Variants in EXOSC7 observed in about 807,000 individuals in gnomAD.
The protein encoded by EXOSC7 is exosome component 7, also known as exosome complex component RRP42.
A neutral mutation model predicts 34.3 loss-of-function variants in EXOSC7; 25 were observed. The observed-to-expected ratio is 0.73, with a 90% CI of 0.53 to 1.02. EXOSC7 has a LOEUF of 1.02. EXOSC7 is among the 50% of genes least tolerant of loss of function. The pLI, the probability that EXOSC7 is intolerant of heterozygous loss-of-function variation, is 0.00. For missense variants in EXOSC7, 370 were observed against 368.5 expected, an observed-to-expected ratio of 1.00 and a Z score of -0.03; for synonymous variants, 130 against 143.0, an observed-to-expected ratio of 0.91 and a Z score of 0.65.
At position 44,995,671 on chromosome 3, in the gene EXOSC7, G is replaced by A. The variant is rs1392323642; in HGVS notation, c.255-1416G>A. Among the ~76,000 whole-genome samples, 5 of 152,176 alleles carry A rather than the reference G, an allele frequency of 3.3e-5. No homozygotes were observed. In the East Asian group the frequency reaches 7.7e-4, roughly 23 times the overall value. On this transcript the variant is annotated intron_variant, in intron 3 of 7. Coordinates refer to ENST00000265564, the MANE Select transcript of EXOSC7 (RefSeq NM_015004.4). ...CAGTGCCTGAGTCCAGCAAAGGCAG[G>A]GAACAGCGAGGTTGCTATGGCAGTA...
At chr3:44,978,889 T>C (rs528004786) in intron 1 of EXOSC7, among the ~76,000 whole-genome samples, 2 of 152,190 alleles carry the variant, frequency 1.3e-5, no homozygotes, top group Non-Finnish European at 2.9e-5. Flanking sequence ...CCTTAAGGCA[T>C]AGCCAGTGTC....
intron 1 of EXOSC7, chr3:44,977,210 T>G (rs928891050): frequency 2.6e-5 from 4 of 152,340 alleles, no homozygotes; most frequent in African/African-American, 9.6e-5. Flanking sequence ...CGAGCTACCC[T>G]GTATCCTCCT....
intron 1 of EXOSC7, among the ~76,000 whole-genome samples, chr3:44,979,254 C>T (rs766117910): frequency 3.3e-5 from 5 of 152,150 alleles, no homozygotes; most frequent in Non-Finnish European, 5.9e-5. Flanking sequence ...ACTTTTGTTG[C>T]GTTGGTTATA....
At chr3:44,994,294 G>A (rs1318027959) in intron 3 of EXOSC7, among the ~76,000 whole-genome samples, 1 of 149,040 alleles carries the variant, frequency 6.7e-6, no homozygotes. Flanking sequence ...AAATGAGAGA[G>A]TTAGACCATC....
chr3:44,990,468 C>T (rs1002969541), intron 3 of EXOSC7, among the ~76,000 whole-genome samples: 1 of 152,082 alleles, frequency 6.6e-6, no homozygotes, highest in African/African-American at 2.4e-5. Context: ...CTTCTGGAAG[C>T]CAGGCCTTCT....
chr3:45,007,688 T>C, intron 7 of EXOSC7, 113 bp downstream of exon 7: 1 of 1,191,272 alleles, frequency 8.4e-7, no homozygotes, highest in Non-Finnish European at 1.2e-6. Context: ...GACCCCAAAC[T>C]TGGAGATTTG....
At chr3:45,010,235 T>TA (rs1256280320) in intron 7 of EXOSC7, among the ~76,000 whole-genome samples, 7 of 152,218 alleles carry the variant, frequency 4.6e-5, no homozygotes, top group African/African-American at 1.7e-4. Context: ...GAAAAATATA[T>TA]TTTTTTATAT....
chr3:45,002,687 C>G (rs767352692), intron 5 of EXOSC7, among the ~76,000 whole-genome samples: 2 of 152,098 alleles, frequency 1.3e-5, no homozygotes, highest in East Asian at 3.9e-4. Flanking sequence ...TAACATTTAC[C>G]TGTTTTTTAG....
chr3:45,005,761 G>A (rs946369459), intron 6 of EXOSC7, among the ~76,000 whole-genome samples: 4 of 152,264 alleles, frequency 2.6e-5, no homozygotes, highest in South Asian at 4.1e-4. Flanking sequence ...TTGAGTAGTG[G>A]CAGGGTGGCG....
At chr3:45,007,920 G>A (rs1291180013) in intron 7 of EXOSC7, among the ~76,000 whole-genome samples, 1 of 152,202 alleles carries the variant, frequency 6.6e-6, no homozygotes, top group African/African-American at 2.4e-5. Context: ...CTTGATGAGG[G>A]AATAGAATTC....
chr3:44,993,544 T>A (rs1399579491), intron 3 of EXOSC7, among the ~76,000 whole-genome samples: 1 of 151,758 alleles, frequency 6.6e-6, no homozygotes, highest in Non-Finnish European at 1.5e-5. Context: ...ACCAGAGATG[T>A]TCCAAGCAGG....
intron 3 of EXOSC7, among the ~76,000 whole-genome samples, chr3:44,991,729 C>G (rs528236260): frequency 1.8e-4 from 27 of 152,310 alleles, no homozygotes; most frequent in African/African-American, 5.8e-4. Flanking sequence ...TTCCCAAGAT[C>G]TGGCTTCTAG....
chr3:45,002,540 G>A (rs1201226637), intron 5 of EXOSC7, among the ~76,000 whole-genome samples: 3 of 152,162 alleles, frequency 2.0e-5, no homozygotes, highest in African/African-American at 7.2e-5. Flanking sequence ...TTCACTAAAT[G>A]CAGTCCCCTC....
chr3:44,986,472 G>T (rs1706419418), intron 1 of EXOSC7, among the ~76,000 whole-genome samples: 1 of 152,054 alleles, frequency 6.6e-6, no homozygotes, highest in Non-Finnish European at 1.5e-5. Flanking sequence ...TCCCACCCAC[G>T]CCTCTCCCTC....
intron 1 of EXOSC7, among the ~76,000 whole-genome samples, chr3:44,983,785 CTG>C (rs3082732): frequency 0.24 from 36,678 of 151,968 alleles, 6,136 homozygotes; most frequent in East Asian, 0.76. Flanking sequence ...TAAATAAAAA[CTG>C]TGGTAGGGCA....
At chr3:45,000,722 C>T (rs1033564075) in intron 4 of EXOSC7, among the ~76,000 whole-genome samples, 2 of 152,198 alleles carry the variant, frequency 1.3e-5, no homozygotes, top group Non-Finnish European at 2.9e-5. Flanking sequence ...TAAATGTGAA[C>T]CTAGTAGCAG....
At chr3:44,989,300 G>C in intron 2 of EXOSC7, 59 bp downstream of exon 2, 1 of 1,293,644 alleles carries the variant, frequency 7.7e-7, no homozygotes, top group Non-Finnish European at 1.1e-6. Flanking sequence ...CCTAAGGAAT[G>C]AGCTGCTGAC....
chr3:45,010,400 A>G (rs1459364239), intron 7 of EXOSC7, among the ~76,000 whole-genome samples: 2 of 151,672 alleles, frequency 1.3e-5, no homozygotes, highest in Admixed American at 6.6e-5. Flanking sequence ...GGCGCATACC[A>G]CCATGCACAG....
intron 3 of EXOSC7, among the ~76,000 whole-genome samples, chr3:44,992,562 C>T (rs1026095965): frequency 6.6e-6 from 1 of 152,210 alleles, no homozygotes; most frequent in African/African-American, 2.4e-5. Flanking sequence ...GCTGCACTGA[C>T]CCTGAGCCCT....
Sources: allele counts gnomAD v4.1 joint callset (sites outside exome capture counted in the v4.1 genomes callset), GRCh38; gene constraint gnomAD v4.1.1; transcripts MANE v1.5; gene names NCBI Gene and HGNC (gene_info 2026-07-23, HGNC 2026-07-21).